Variants in RFX2 observed in about 807,000 individuals in gnomAD.
RFX2 encodes the protein regulatory factor X2.
Under a neutral mutation model 87.8 loss-of-function variants are expected in RFX2, and 20 were observed. That is an observed-to-expected ratio of 0.23 (90% CI 0.16 to 0.33). RFX2 has a LOEUF of 0.33. Among genes scored for constraint, RFX2 ranks in the 10% least tolerant of loss-of-function variants. RFX2 has a pLI of 1.00. For missense variants in RFX2, 767 were observed against 1,012.3 expected (o/e 0.76, Z 3.29); for synonymous variants, 397 against 431.3 (o/e 0.92, Z 0.98).
chr19:5,996,234 A>G (rs2086405073), intron 16 of RFX2, among the ~76,000 whole-genome samples: 1 of 41,312 alleles, frequency 2.4e-5, no homozygotes, highest in Non-Finnish European at 4.9e-5. Context: ...GACCCCGAAG[A>G]ACTGAACACA....
At chr19:6,092,017 G>T (rs1036857015) in intron 1 of RFX2, among the ~76,000 whole-genome samples, 1 of 152,224 alleles carries the variant, frequency 6.6e-6, no homozygotes, top group Non-Finnish European at 1.5e-5. Context: ...ACATCCGGGA[G>T]TGGGGGGAGG....
At chr19:5,995,125 C>A (rs947656934) in intron 17 of RFX2, among the ~76,000 whole-genome samples, 175 bp from the exon 18 acceptor site, 80 of 152,202 alleles carry the variant, frequency 5.3e-4, no homozygotes, top group African/African-American at 1.7e-3. Context: ...CCCCACCTGC[C>A]GTTACCCAGA....
At position 6,026,182 on chromosome 19, in the gene RFX2, C is replaced by T. The variant is rs1310116504; in HGVS notation, c.578G>A (p.Ser193Asn). The T allele has an allele frequency of 3.7e-6, 6 of 1,613,412 alleles. No individual in the cohort carries two copies. The highest frequency in any genetic ancestry group is 5.1e-6 in the Non-Finnish European group (6 of 1,179,942). Residue 193 changes from serine to asparagine, a missense_variant, in exon 6 of 18, where the codon AGC becomes AAC. Coordinates refer to ENST00000303657, the MANE Select transcript of RFX2 (RefSeq NM_000635.4). The surrounding 1 kb of genome is among the most constrained non-coding windows in gnomAD (Gnocchi z 4.5). ...QKSEGITSHK[S>N]GLLNSHLQWL... Reference sequence around the variant, plus strand: ...ACTTACATGGCTGTTGAGTAAACCGCTTTTGTGTGATGTGATTCCTTCGCT... The same window carrying T: ...ACTTACATGGCTGTTGAGTAAACCGTTTTTGTGTGATGTGATTCCTTCGCT...
At chr19:6,073,627 A>T (rs554516342) in intron 1 of RFX2, 17 of 271,250 alleles carry the variant, frequency 6.3e-5, no homozygotes, top group African/African-American at 3.5e-4. Context: ...ATTTCCATCC[A>T]AATGGAATTT....
At position 6,044,212 on chromosome 19, in the gene RFX2, A is replaced by G; in HGVS notation, c.161T>C (p.Val54Ala). The G allele has an allele frequency of 1.3e-6, 2 of 1,573,686 alleles. No individual in the cohort carries two copies. The highest frequency in any genetic ancestry group is 1.7e-6 in the Non-Finnish European group (2 of 1,160,052). ...CATTACCTGCTGGGGTACCTGCTGA[A>G]CTCTGGGGAGGGAGATCGGCTGCAT... The part of the protein sequence containing the change: ...AQMQPISLPR[V>A]QQVPQQVQPV... The change falls in exon 3 of 18, where the codon GTT (valine) becomes GCT (alanine). Residue 54 changes from valine to alanine, a missense_variant. Physicochemically the swap from Val to Ala is moderately conservative, Grantham distance 64. This residue lies in a region of RFX2 where 146 missense variants were observed against 139.2 expected (regional missense o/e 1.05). Coordinates refer to ENST00000303657, the MANE Select transcript of RFX2 (RefSeq NM_000635.4). The surrounding 1 kb of genome is among the most constrained non-coding windows in gnomAD (Gnocchi z 5.3).
chr19:6,090,435 T>C (rs1231574005), intron 1 of RFX2, among the ~76,000 whole-genome samples: 1 of 146,862 alleles, frequency 6.8e-6, no homozygotes, highest in Non-Finnish European at 1.5e-5. Context: ...TGAAAGCACA[T>C]GAAAAGAGGC....
chr19:5,997,691 C>T lies in RFX2; in HGVS notation c.1860-478G>A, dbSNP rs2086434301. 6.6e-6 allele frequency among the ~76,000 whole-genome samples: 1 copy of T among 152,146 alleles called. No individual in the cohort carries two copies. The highest frequency in any genetic ancestry group is 2.4e-5 in the African/African-American group (1 of 41,414). Reference sequence around the variant, plus strand: ...TTCCTCAGCCTGTGGTTTCAGGCACCTAAAAACAAGACAAAAAGCCAGGGT... The same window carrying T: ...TTCCTCAGCCTGTGGTTTCAGGCACTTAAAAACAAGACAAAAAGCCAGGGT... On this transcript the variant is annotated intron_variant, in intron 15 of 17. Coordinates refer to ENST00000303657, the MANE Select transcript of RFX2 (RefSeq NM_000635.4). The surrounding 1 kb of genome is among the most constrained non-coding windows in gnomAD (Gnocchi z 4.2).
At chr19:6,081,169 G>A (rs1328815757) in intron 1 of RFX2, among the ~76,000 whole-genome samples, 1 of 152,032 alleles carries the variant, frequency 6.6e-6, no homozygotes, top group Admixed American at 6.6e-5. Context: ...GTGAATGCAG[G>A]AAAACCAAGA....
intron 1 of RFX2, among the ~76,000 whole-genome samples, chr19:6,084,796 G>A (rs193082461): frequency 5.9e-5 from 9 of 152,076 alleles, no homozygotes; most frequent in Middle Eastern, 3.4e-3. Flanking sequence ...CACCACGCCC[G>A]GCTAATTTTA....
At chr19:6,030,327 C>T (rs1278737147) in intron 5 of RFX2, among the ~76,000 whole-genome samples, 1 of 152,018 alleles carries the variant, frequency 6.6e-6, no homozygotes, top group South Asian at 2.1e-4. Context: ...ACCATGGAGG[C>T]CAGAGGGCAG....
In RFX2 at chr19:6,017,164, G is replaced by T. The variant is rs532171191; in HGVS notation, c.598-893C>A. Among the ~76,000 whole-genome samples the T allele has an allele frequency of 9.8e-5, 15 of 152,358 alleles. No individual in the cohort carries two copies. Among genetic ancestry groups the T allele is most frequent in the Admixed American group, 7.8e-4 (12 of 15,300 alleles). Reference sequence around the variant, plus strand: ...GGATTGCTTGAGCCCAGGAGGTTGAGGCTGCAGTGAGCTAGGGTCGCGCCA... The same window carrying T: ...GGATTGCTTGAGCCCAGGAGGTTGATGCTGCAGTGAGCTAGGGTCGCGCCA... On this transcript the variant is annotated intron_variant, in intron 6 of 17. Transcript: ENST00000303657. The surrounding 1 kb of genome is among the most constrained non-coding windows in gnomAD (Gnocchi z 4.1).
intron 1 of RFX2, chr19:6,073,039 G>A (rs1286844304): frequency 2.2e-5 from 11 of 490,970 alleles, no homozygotes; most frequent in Middle Eastern, 5.9e-4. Flanking sequence ...CAGTGCAGTG[G>A]TGCGATCTCA....
rs1423437415 is a variant in RFX2, at chr19:6,068,479, C to G, written c.-8-20975G>C. ...ACCCTATATCATATGGTGACAAGTA[C>G]CAGGGGGAAAAGGAAGCAGACAGAA... On this transcript the variant is annotated intron_variant, in intron 1 of 17. Coordinates refer to ENST00000303657, the MANE Select transcript of RFX2 (RefSeq NM_000635.4). 3 of 152,072 alleles carry G rather than the reference C, an allele frequency of 2.0e-5. No homozygotes were observed. The East Asian group carries it at 5.8e-4, about 29-fold the overall frequency. The allele number at this position is 152,072 out of a possible 1,614,324, so 9.4% of individuals were successfully genotyped here.
At chr19:6,066,574 C>T (rs980526142) in intron 1 of RFX2, among the ~76,000 whole-genome samples, 14 of 152,182 alleles carry the variant, frequency 9.2e-5, no homozygotes, top group African/African-American at 2.4e-4. Flanking sequence ...AGGACATATT[C>T]GAATGGCCAG....
chr19:6,110,030 T>G lies in RFX2; in HGVS notation c.-9+363A>C, dbSNP rs969237127. 1.3e-5 allele frequency among the ~76,000 whole-genome samples: 2 copies of G among 150,678 alleles called. No homozygotes were observed. The highest frequency in any genetic ancestry group is 3.0e-5 in the Non-Finnish European group (2 of 67,658). On this transcript the variant is annotated intron_variant, in intron 1 of 17. Coordinates refer to ENST00000303657, the MANE Select transcript of RFX2 (RefSeq NM_000635.4). This position sits in a 1 kb window ranked among gnomAD's most constrained non-coding sequence, Gnocchi z 4.3. ...AAGAGGGTCCCCAAGCGCCCCCAAT[T>G]CAGGGAGTTTGAGGAGTTTGAGAGA...
intron 1 of RFX2, among the ~76,000 whole-genome samples, chr19:6,097,273 G>A (rs1393368430): frequency 2.0e-5 from 3 of 152,178 alleles, no homozygotes; most frequent in Admixed American, 2.0e-4. Context: ...AGGGTGCCCA[G>A]GCTGGGACCC....
rs893799372 is a variant in RFX2, at chr19:6,004,185, C to T, written c.1500+16G>A. 4.4e-6 allele frequency: 7 copies of T among 1,602,844 alleles called. No homozygotes were observed. The highest frequency in any genetic ancestry group is 4.5e-5 in the East Asian group (2 of 44,826). ...CCAGCCATCGTTGGGGAGCCCAGGCCCCACCCCGGACGCACCTTGGTCTGG... is the reference window on the plus strand; with the variant it reads ...CCAGCCATCGTTGGGGAGCCCAGGCTCCACCCCGGACGCACCTTGGTCTGG... On this transcript the variant is annotated intron_variant, in intron 13 of 17. Transcript: ENST00000303657. This position sits in a 1 kb window ranked among gnomAD's most constrained non-coding sequence, Gnocchi z 4.8.
In RFX2 at chr19:6,018,856, G is replaced by A. The variant is rs182238249; in HGVS notation, c.598-2585C>T. 6.2e-3 allele frequency among the ~76,000 whole-genome samples: 942 copies of A among 152,278 alleles called. 14 individuals are homozygous for A. The highest frequency in any genetic ancestry group is 4.6e-3 in the Non-Finnish European group (312 of 68,008). ...TCTGCTCCTGCAGGTAAGTCCCGTGGCCAAACATCCCTCCTTACCAAAGGG... is the reference window on the plus strand; with the variant it reads ...TCTGCTCCTGCAGGTAAGTCCCGTGACCAAACATCCCTCCTTACCAAAGGG... On this transcript the variant is annotated intron_variant, in intron 6 of 17. Coordinates refer to ENST00000303657, the MANE Select transcript of RFX2 (RefSeq NM_000635.4).
chr19:6,030,312 C>A (rs115621513), intron 5 of RFX2, among the ~76,000 whole-genome samples: 97 of 152,274 alleles, frequency 6.4e-4, no homozygotes, highest in African/African-American at 2.2e-3. Context: ...GATTTCTCAA[C>A]AGAAACCATG....
Sources: allele counts gnomAD v4.1 joint callset (sites outside exome capture counted in the v4.1 genomes callset), GRCh38; gene constraint gnomAD v4.1.1; regional missense constraint gnomAD v4.1.1; non-coding constraint Gnocchi (gnomAD v3.1); transcripts MANE v1.5; gene names NCBI Gene and HGNC (gene_info 2026-07-23, HGNC 2026-07-21).